The following WDR48 variants were observed in gnomAD, a reference collection of about 807,000 sequenced individuals.
The protein encoded by WDR48 is WD repeat-containing protein 48.
WDR48 carries 22 observed loss-of-function variants against 94.0 expected under a neutral mutation model. The observed-to-expected ratio is 0.23, with a 90% confidence interval of 0.17 to 0.33. The LOEUF (loss-of-function observed/expected upper bound fraction) is 0.33. WDR48 is among the 10% of genes least tolerant of loss of function. The probability of loss-of-function intolerance (pLI) is 1.00; values close to 1 mark genes in which losing one functional copy is unlikely to be tolerated. For synonymous variants in WDR48, 278 were observed against 280.5 expected (o/e 0.99, Z 0.09); for missense variants, 541 against 813.8 (o/e 0.66, Z 4.08).
intron 4 of WDR48, 28 bp from the exon 5 acceptor site, chr3:39,066,718 A>G: frequency 1.2e-6 from 2 of 1,613,834 alleles, no homozygotes. Context: ...TCTACAGAAT[A>G]GATCATAGTA....
At chr3:39,061,332 G>T (rs1215558438) in intron 1 of WDR48, among the ~76,000 whole-genome samples, 1 of 144,620 alleles carries the variant, frequency 6.9e-6, no homozygotes. Context: ...TCCCACTTAC[G>T]AGTGAGAACA....
Position 39,065,882 on chromosome 3 carries a change from G to A in WDR48, c.261G>A (p.Gly87=). ...ACGACATTGTACTCTGTTGTAATGG[G>A]AAAACATGTAAGTATTTCTTTGGAT... The part of the protein sequence containing the change: ...WVNDIVLCCN[G]KTLISASSDT... The change falls in exon 3 of 19, where the codon GGG becomes GGA. Residue 87 remains glycine, a synonymous_variant. Transcript: ENST00000302313. 4 of 1,588,362 alleles carry A rather than the reference G, an allele frequency of 2.5e-6. No homozygotes were observed. Among genetic ancestry groups the A allele is most frequent in the Non-Finnish European group, 3.4e-6 (4 of 1,170,152 alleles).
At chr3:39,093,101 G>A (rs1401663873) in intron 17 of WDR48, among the ~76,000 whole-genome samples, 1 of 152,186 alleles carries the variant, frequency 6.6e-6, no homozygotes, top group Non-Finnish European at 1.5e-5. Flanking sequence ...TCCAACTGAA[G>A]ATACCCAACC....
intron 1 of WDR48, among the ~76,000 whole-genome samples, chr3:39,060,334 T>A (rs2033173107): frequency 6.6e-6 from 1 of 152,106 alleles, no homozygotes. Flanking sequence ...ATGTGGCCTT[T>A]TGTAAAATAT....
intron 18 of WDR48, 28 bp downstream of exon 18, chr3:39,094,094 A>C (rs1382903526): frequency 8.2e-6 from 13 of 1,592,050 alleles, no homozygotes; most frequent in African/African-American, 1.4e-5. Context: ...CTACAGCCCC[A>C]ATTTTTCCAG....
chr3:39,076,962 T>C (rs1046169860), intron 8 of WDR48, among the ~76,000 whole-genome samples, 177 bp from the exon 9 acceptor site: 2 of 147,726 alleles, frequency 1.4e-5, no homozygotes, highest in Admixed American at 1.3e-4. Context: ...GCTATGAATT[T>C]ATTTAGCAAA....
chr3:39,073,132 G>A (rs1001258549), intron 7 of WDR48, among the ~76,000 whole-genome samples: 4 of 152,290 alleles, frequency 2.6e-5, no homozygotes, highest in Admixed American at 2.6e-4. Context: ...AGGGATCAAA[G>A]CTTTACTAAA....
At chr3:39,072,071 A>G (rs2033969181) in intron 7 of WDR48, among the ~76,000 whole-genome samples, 1 of 152,200 alleles carries the variant, frequency 6.6e-6, no homozygotes, top group African/African-American at 2.4e-5. Context: ...TGGCTTTGTA[A>G]ATCAGGAATT....
At chr3:39,060,182 A>G (rs2033162575) in intron 1 of WDR48, among the ~76,000 whole-genome samples, 1 of 152,160 alleles carries the variant, frequency 6.6e-6, no homozygotes, top group South Asian at 2.1e-4. Context: ...ACCTAACTCC[A>G]GAATGTTTAA....
At chr3:39,075,525 C>A (rs747239900) in intron 8 of WDR48, among the ~76,000 whole-genome samples, 1 of 152,060 alleles carries the variant, frequency 6.6e-6, no homozygotes, top group African/African-American at 2.4e-5. Flanking sequence ...CAGCCCTAAC[C>A]ATCAGGATCT....
intron 2 of WDR48, among the ~76,000 whole-genome samples, chr3:39,064,662 A>G (rs1226607152): frequency 6.6e-6 from 1 of 152,168 alleles, no homozygotes; most frequent in African/African-American, 2.4e-5. Context: ...ACCCAGCCCA[A>G]CTTGAAAACC....
rs375299969 is a variant in WDR48 at position 39,052,093 on chromosome 3, C to G, written c.48+20C>G. The G allele has an allele frequency of 1.0e-4, 161 of 1,612,890 alleles. No individual in the cohort carries two copies. The highest frequency in any genetic ancestry group is 1.4e-4 in the Non-Finnish European group (160 of 1,179,652). On this transcript the variant is annotated intron_variant, in intron 1 of 18. Transcript: ENST00000302313. Reference sequence around the variant, plus strand: ...GTGCAGGTATGGAAGCCCGGTTCCTCGGTCTTCCGGACGCGGCCGGCAGCT... The same window carrying G: ...GTGCAGGTATGGAAGCCCGGTTCCTGGGTCTTCCGGACGCGGCCGGCAGCT...
At position 39,088,200 on chromosome 3, in the gene WDR48, T is replaced by C; in HGVS notation, c.1547T>C (p.Ile516Thr). 6.2e-7 allele frequency: 1 copy of C among 1,614,188 alleles called. No individual in the cohort carries two copies. Among genetic ancestry groups the C allele is most frequent in the African/African-American group, 1.3e-5 (1 of 75,028 alleles). ...YFQVPPHTPVIFGEAGGRTLF... is the reference protein window; with the variant it reads ...YFQVPPHTPVTFGEAGGRTLF... ...CAAGTGCCCCCACATACACCCGTGA[T>C]CTTTGGTGAAGCTGGAGGTCGCACA... is the stretch of plus-strand genomic sequence containing the variant. The change falls in exon 15 of 19, where the codon ATC (isoleucine) becomes ACC (threonine). Residue 516 changes from isoleucine (I) to threonine (T), a missense_variant. This residue lies in a region of WDR48 where 238 missense variants were observed against 285.3 expected (regional missense o/e 0.83). Coordinates refer to ENST00000302313, the MANE Select transcript of WDR48 (RefSeq NM_020839.4).
intron 16 of WDR48, chr3:39,091,296 T>C (rs1462760694): frequency 5.9e-6 from 1 of 170,462 alleles, no homozygotes; most frequent in Non-Finnish European, 1.2e-5. Flanking sequence ...TTTGGGCCTT[T>C]AGGTATCAAC....
intron 11 of WDR48, among the ~76,000 whole-genome samples, chr3:39,081,779 C>T (rs1490964292): frequency 6.6e-6 from 1 of 152,210 alleles, no homozygotes; most frequent in Non-Finnish European, 1.5e-5. Context: ...CTGTTGCCCA[C>T]TCTTGGTCTG....
intron 13 of WDR48, among the ~76,000 whole-genome samples, chr3:39,085,159 G>A (rs960061208): frequency 2.6e-5 from 4 of 151,932 alleles, no homozygotes; most frequent in East Asian, 1.9e-4. Flanking sequence ...CCCGGGAGGC[G>A]GAGCTTGCAG....
chr3:39,074,856 A>G lies in WDR48; in HGVS notation c.803A>G (p.Tyr268Cys), dbSNP rs771711364. ...LQVNDAFTHV[Y>C]SGGRDRKIYC... ...GTCAATGATGCCTTCACACATGTGT[A>G]TTCTGGTGGAAGGGACAGGAAGATT... is the stretch of plus-strand genomic sequence containing the variant. The change falls in exon 8 of 19, where the codon TAT (tyrosine) becomes TGT (cysteine). Residue 268 changes from tyrosine to cysteine, a missense_variant. Around this residue, in one of 5 missense-constraint regions of WDR48, gnomAD observed 104 missense variants for 189.7 expected, o/e 0.55. Coordinates refer to ENST00000302313, the MANE Select transcript of WDR48 (RefSeq NM_020839.4). The G allele has an allele frequency of 2.5e-6, 4 of 1,614,228 alleles. No individual in the cohort carries two copies. The highest frequency in any genetic ancestry group is 3.4e-6 in the Non-Finnish European group (4 of 1,180,030).
At chr3:39,053,043 T>C (rs1333535823) in intron 1 of WDR48, among the ~76,000 whole-genome samples, 2 of 152,228 alleles carry the variant, frequency 1.3e-5, no homozygotes, top group African/African-American at 4.8e-5. Flanking sequence ...AAAATAGTTA[T>C]TGCCACTTAA....
At chr3:39,084,325 A>G in intron 12 of WDR48, 63 bp downstream of exon 12, 1 of 1,210,004 alleles carries the variant, frequency 8.3e-7, no homozygotes, top group Admixed American at 2.2e-5. Flanking sequence ...ATAGCTTATA[A>G]TTATTATTAG....
Sources: gnomAD v4.1 joint callset for allele counts (sites outside exome capture counted in the v4.1 genomes callset) on GRCh38, gnomAD v4.1.1 for gene constraint, gnomAD v4.1.1 regional missense constraint, MANE v1.5 for transcripts, NCBI Gene and HGNC (gene_info 2026-07-23, HGNC 2026-07-21) for gene names.